The following FOXJ3 variants were observed in gnomAD, a reference collection of about 807,000 sequenced individuals.
FOXJ3 encodes the protein forkhead box protein J3.
FOXJ3 carries 22 observed loss-of-function variants against 76.1 expected under a neutral mutation model. The ratio of observed to expected loss-of-function variants is 0.29; its 90% confidence interval spans 0.21 to 0.41. FOXJ3 has a LOEUF of 0.41. Among genes scored for constraint, FOXJ3 ranks in the 10% least tolerant of loss-of-function variants. The pLI, the probability that FOXJ3 is intolerant of heterozygous loss-of-function variation, is 1.00. For synonymous variants in FOXJ3, 269 were observed against 261.2 expected, an observed-to-expected ratio of 1.03 and a Z score of -0.29; for missense variants, 613 against 762.1, an observed-to-expected ratio of 0.80 and a Z score of 2.30.
At chr1:42,206,095 T>C (rs1323558609) in intron 5 of FOXJ3, 7 of 427,726 alleles carry the variant, frequency 1.6e-5, no homozygotes, top group Middle Eastern at 6.1e-4. Context: ...TACTGCAGGA[T>C]AGGCTGACAA....
At chr1:42,300,418 TTGTC>T (rs1654064230) in intron 2 of FOXJ3, among the ~76,000 whole-genome samples, 1 of 152,200 alleles carries the variant, frequency 6.6e-6, no homozygotes, top group African/African-American at 2.4e-5. Context: ...TCACACTTGT[TTGTC>T]TGGGAAAGAC....
chr1:42,272,744 C>G (rs1256848572), intron 3 of FOXJ3, among the ~76,000 whole-genome samples: 1 of 152,184 alleles, frequency 6.6e-6, no homozygotes, highest in Admixed American at 6.5e-5. Context: ...TAGACGTCAT[C>G]AAAAATGAAG....
At position 42,188,802 on chromosome 1, in the gene FOXJ3, T is replaced by C. The variant is rs564684670; in HGVS notation, c.1580A>G (p.Asn527Ser). The part of the protein sequence containing the change: ...TQTGLIHSQS[N>S]VQQNVCHGAM... ...ACCATGACAAACATTTTGTTGAACA[T>C]TACTCTGTGAATGTATAAGGCCAGT... The change falls in exon 11 of 13, where the codon AAT (asparagine) becomes AGT (serine). Residue 527 changes from asparagine to serine, a missense_variant. By Grantham distance (46) the Asn-to-Ser change is conservative. This residue lies in a region of FOXJ3 where 526 missense variants were observed against 601.4 expected (regional missense o/e 0.87). Coordinates refer to ENST00000361346, the MANE Select transcript of FOXJ3 (RefSeq NM_014947.5). The C allele has an allele frequency of 3.7e-6, 6 of 1,613,030 alleles. No individual in the cohort carries two copies. Among genetic ancestry groups the C allele is most frequent in the Admixed American group, 3.3e-5 (2 of 59,858 alleles).
intron 2 of FOXJ3, among the ~76,000 whole-genome samples, chr1:42,285,586 G>C (rs1653003440): frequency 6.6e-6 from 1 of 152,176 alleles, no homozygotes; most frequent in South Asian, 2.1e-4. Flanking sequence ...AACGAAGAGA[G>C]CTGTAAAAAC....
intron 3 of FOXJ3, among the ~76,000 whole-genome samples, chr1:42,269,476 T>C (rs1001121869): frequency 1.4e-4 from 22 of 152,196 alleles, no homozygotes; most frequent in Admixed American, 1.2e-3. Flanking sequence ...CATTTCTACA[T>C]CTGCTGCCTA....
chr1:42,224,179 T>C (rs1647362261), intron 5 of FOXJ3, among the ~76,000 whole-genome samples: 1 of 152,194 alleles, frequency 6.6e-6, no homozygotes, highest in Non-Finnish European at 1.5e-5. Context: ...AAATATGAGA[T>C]TCCTACTAGA....
intron 4 of FOXJ3, among the ~76,000 whole-genome samples, chr1:42,247,957 T>A (rs560236293): frequency 2.6e-5 from 4 of 152,198 alleles, no homozygotes; most frequent in Admixed American, 1.3e-4. Context: ...TGCTACAATA[T>A]GGATGATCCT....
intron 3 of FOXJ3, among the ~76,000 whole-genome samples, chr1:42,277,326 C>T (rs1306730816): frequency 6.7e-6 from 1 of 149,134 alleles, no homozygotes; most frequent in African/African-American, 2.5e-5. Flanking sequence ...CTCAGGCACT[C>T]GACCTTGGGT....
chr1:42,223,936 CCTTGGATAA>C (rs1246226513), intron 5 of FOXJ3, among the ~76,000 whole-genome samples: 7 of 152,266 alleles, frequency 4.6e-5, no homozygotes, highest in Admixed American at 1.3e-4. Context: ...TTTTTTAGTA[CCTTGGATAA>C]CTCACTTAAC....
intron 5 of FOXJ3, among the ~76,000 whole-genome samples, chr1:42,212,651 C>CT (rs1646986517): frequency 6.6e-6 from 1 of 151,932 alleles, no homozygotes; most frequent in South Asian, 2.1e-4. Context: ...ATTTGGAAAA[C>CT]CTATTTGAGG....
At chr1:42,244,156 G>A (rs1025505175) in intron 4 of FOXJ3, among the ~76,000 whole-genome samples, 3 of 152,024 alleles carry the variant, frequency 2.0e-5, no homozygotes, top group Non-Finnish European at 4.4e-5. Flanking sequence ...AAAACCTATG[G>A]AGTATAGCAA....
At chr1:42,284,801 T>C (rs1652945334) in intron 2 of FOXJ3, among the ~76,000 whole-genome samples, 1 of 152,256 alleles carries the variant, frequency 6.6e-6, no homozygotes, top group East Asian at 1.9e-4. Context: ...AACTTGTGAC[T>C]GAAATTTAGC....
intron 5 of FOXJ3, among the ~76,000 whole-genome samples, chr1:42,211,108 C>CGCCT: frequency 6.6e-6 from 1 of 152,272 alleles, no homozygotes; most frequent in East Asian, 1.9e-4. Flanking sequence ...CAAAGTCAGG[C>CGCCT]GGCCCTGGTG....
chr1:42,327,227 A>T (rs2124790287), intron 1 of FOXJ3, among the ~76,000 whole-genome samples: 1 of 152,320 alleles, frequency 6.6e-6, no homozygotes. Context: ...ACACAGTGGG[A>T]CAATACCATC....
intron 1 of FOXJ3, among the ~76,000 whole-genome samples, chr1:42,314,754 A>G (rs1655011201): frequency 6.6e-6 from 1 of 152,240 alleles, no homozygotes; most frequent in African/African-American, 2.4e-5. Context: ...AAACAAAGGC[A>G]ACTCCTTTGA....
chr1:42,327,335 C>T (rs1185434161), intron 1 of FOXJ3, among the ~76,000 whole-genome samples: 1 of 152,178 alleles, frequency 6.6e-6, no homozygotes, highest in African/African-American at 2.4e-5. Context: ...CACCTCCTGC[C>T]GTAACAGTCT....
chr1:42,288,101 T>A (rs1023260076), intron 2 of FOXJ3, among the ~76,000 whole-genome samples: 6 of 152,228 alleles, frequency 3.9e-5, no homozygotes, highest in Non-Finnish European at 7.3e-5. Context: ...AAATAAAGAC[T>A]GTTGAACATT....
intron 6 of FOXJ3, among the ~76,000 whole-genome samples, chr1:42,204,383 G>A (rs968644203): frequency 6.6e-6 from 1 of 151,930 alleles, no homozygotes; most frequent in Non-Finnish European, 1.5e-5. Context: ...TGTCATATCT[G>A]GATGCAGAAA....
chr1:42,261,849 C>T (rs1651064280), intron 4 of FOXJ3, among the ~76,000 whole-genome samples: 1 of 152,148 alleles, frequency 6.6e-6, no homozygotes, highest in Admixed American at 6.6e-5. Flanking sequence ...CCTCAAATGT[C>T]AGGAAACACT....
Sources: gnomAD v4.1 joint callset for allele counts (sites outside exome capture counted in the v4.1 genomes callset) on GRCh38, gnomAD v4.1.1 for gene constraint, gnomAD v4.1.1 regional missense constraint, MANE v1.5 for transcripts, NCBI Gene and HGNC (gene_info 2026-07-23, HGNC 2026-07-21) for gene names.